GRID2: variants seen among roughly 807,000 people sequenced by gnomAD.
The protein encoded by GRID2 is glutamate ionotropic receptor delta type subunit 2, also known as glutamate receptor ionotropic, delta-2.
In GRID2, 33 loss-of-function variants were observed where a neutral mutation model predicts 114.8. The ratio of observed to expected loss-of-function variants is 0.29; its 90% confidence interval spans 0.22 to 0.38. The LOEUF is 0.38. Among genes scored for constraint, GRID2 ranks in the 10% least tolerant of loss-of-function variants. The pLI is 1.00. For missense variants in GRID2, 1,184 were observed against 1,257.7 expected (o/e 0.94, Z 0.89); for synonymous variants, 505 against 449.9 (o/e 1.12, Z -1.55).
intron 1 of GRID2, among the ~76,000 whole-genome samples, chr4:92,487,746 G>GT (rs529141350): frequency 5.5e-4 from 77 of 139,388 alleles, no homozygotes; most frequent in African/African-American, 2.2e-3. Flanking sequence ...TTAAATTGTT[G>GT]TGGGTTTTTT....
intron 2 of GRID2, among the ~76,000 whole-genome samples, chr4:93,077,009 A>T (rs1729389878): frequency 6.6e-6 from 1 of 152,152 alleles, no homozygotes; most frequent in Non-Finnish European, 1.5e-5. Context: ...GACCTTTAAA[A>T]CATGGGAATG....
At chr4:92,304,860 C>A in intron 1 of GRID2, 116 bp downstream of exon 1, 1 of 751,650 alleles carries the variant, frequency 1.3e-6, no homozygotes, top group Non-Finnish European at 2.4e-6. Flanking sequence ...GGCTTCAGTT[C>A]ATTGCCCCTT....
intron 8 of GRID2, among the ~76,000 whole-genome samples, chr4:93,322,592 T>A (rs1757354847): frequency 6.6e-6 from 1 of 152,204 alleles, no homozygotes; most frequent in Non-Finnish European, 1.5e-5. Flanking sequence ...AAATGGTAAT[T>A]CTAGTTCTAG....
chr4:93,026,416 A>T (rs1406834480), intron 2 of GRID2, among the ~76,000 whole-genome samples: 1 of 151,916 alleles, frequency 6.6e-6, no homozygotes, highest in Non-Finnish European at 1.5e-5. Context: ...AGAATGAATT[A>T]TATCGGAAAC....
At chr4:92,730,092 A>G (rs1269546223) in intron 2 of GRID2, among the ~76,000 whole-genome samples, 1 of 151,976 alleles carries the variant, frequency 6.6e-6, no homozygotes, top group Non-Finnish European at 1.5e-5. Context: ...CTTTAAGACA[A>G]AATAATTATA....
At chr4:92,600,064 A>AT (rs1729150274) in intron 2 of GRID2, among the ~76,000 whole-genome samples, 1 of 126,786 alleles carries the variant, frequency 7.9e-6, no homozygotes, top group Admixed American at 7.7e-5. Context: ...ATATATATAT[A>AT]TATATATATA....
chr4:93,217,420 A>G (rs1454423599), intron 6 of GRID2, among the ~76,000 whole-genome samples: 1 of 152,166 alleles, frequency 6.6e-6, no homozygotes, highest in African/African-American at 2.4e-5. Flanking sequence ...CCAGAATACA[A>G]CAAAGAATTT....
intron 2 of GRID2, among the ~76,000 whole-genome samples, chr4:92,944,740 A>G (rs1204917924): frequency 6.6e-6 from 1 of 152,226 alleles, no homozygotes; most frequent in Non-Finnish European, 1.5e-5. Flanking sequence ...TTAAATCTAC[A>G]TAAACTCGTG....
In GRID2 at chr4:93,085,233, A is replaced by C; in HGVS notation, c.483A>C (p.Thr161=). 1.2e-6 allele frequency: 2 copies of C among 1,613,648 alleles called. No homozygotes were observed. The highest frequency in any genetic ancestry group is 1.7e-6 in the Non-Finnish European group (2 of 1,179,530). The change falls in exon 3 of 16, where the codon ACA becomes ACC. Residue 161 remains threonine, a synonymous_variant. Transcript: ENST00000282020. ...YLHDVILRVV[T]EYAWQKFIIF... is the part of the protein sequence containing the mutation. ...ATGATGTTATCCTAAGAGTGGTCAC[A>C]GAGTATGCCTGGCAGAAATTCATTA... is the stretch of plus-strand genomic sequence containing the variant.
At chr4:93,062,548 A>C (rs1727901295) in intron 2 of GRID2, among the ~76,000 whole-genome samples, 1 of 152,120 alleles carries the variant, frequency 6.6e-6, no homozygotes, top group African/African-American at 2.4e-5. Context: ...TGAATACAAC[A>C]GTAAGAAAAT....
At chr4:92,728,481 G>C (rs148029356) in intron 2 of GRID2, among the ~76,000 whole-genome samples, 1 of 151,948 alleles carries the variant, frequency 6.6e-6, no homozygotes, top group Admixed American at 6.6e-5. Flanking sequence ...CCTTCACCAC[G>C]TGGGTCTTCC....
chr4:93,095,266 C>G (rs957742524), intron 3 of GRID2, among the ~76,000 whole-genome samples: 9 of 151,944 alleles, frequency 5.9e-5, no homozygotes, highest in African/African-American at 2.2e-4. Flanking sequence ...CTAATGCTAT[C>G]CCTCCCCTAG....
intron 1 of GRID2, among the ~76,000 whole-genome samples, chr4:93,799,382 C>G (rs2110365301): frequency 6.6e-6 from 1 of 151,836 alleles, no homozygotes; most frequent in South Asian, 2.1e-4. Context: ...TAGATACTCC[C>G]TAAAGTCCCT....
At chr4:93,545,387 G>A (rs1733110424) in intron 13 of GRID2, among the ~76,000 whole-genome samples, 1 of 152,164 alleles carries the variant, frequency 6.6e-6, no homozygotes, top group Non-Finnish European at 1.5e-5. Flanking sequence ...AGCTGGGTCA[G>A]AGAGACCAAC....
intron 8 of GRID2, among the ~76,000 whole-genome samples, chr4:93,309,062 A>G (rs955459584): frequency 1.6e-4 from 24 of 152,084 alleles, no homozygotes; most frequent in South Asian, 1.0e-3. Flanking sequence ...CATACTAAAT[A>G]TTTTATCTAG....
At chr4:93,572,857 T>C (rs1736058462) in intron 13 of GRID2, among the ~76,000 whole-genome samples, 1 of 152,094 alleles carries the variant, frequency 6.6e-6, no homozygotes, top group South Asian at 2.1e-4. Flanking sequence ...AGCACATGCT[T>C]TTACTAAATT....
intron 2 of GRID2, among the ~76,000 whole-genome samples, chr4:92,854,151 A>T (rs1744018107): frequency 6.6e-6 from 1 of 151,986 alleles, no homozygotes; most frequent in Non-Finnish European, 1.5e-5. Context: ...TGGGCTACAG[A>T]CTTTATTTTG....
intron 2 of GRID2, among the ~76,000 whole-genome samples, chr4:92,820,076 CTGCTT>C (rs1175427641): frequency 2.0e-5 from 3 of 152,094 alleles, no homozygotes; most frequent in Non-Finnish European, 2.9e-5. Context: ...ATAAGATACT[CTGCTT>C]TGCATATTAA....
intron 1 of GRID2, among the ~76,000 whole-genome samples, chr4:92,552,947 C>T (rs1726667254): frequency 6.6e-6 from 1 of 152,138 alleles, no homozygotes; most frequent in Non-Finnish European, 1.5e-5. Flanking sequence ...AAAGGTAGAT[C>T]AGAATGTGTG....
Sources: allele counts gnomAD v4.1 joint callset (sites outside exome capture counted in the v4.1 genomes callset), GRCh38; gene constraint gnomAD v4.1.1; transcripts MANE v1.5; gene names NCBI Gene and HGNC (gene_info 2026-07-23, HGNC 2026-07-21).